The following CADM2 variants were observed in gnomAD, a reference collection of about 807,000 sequenced individuals.
The protein encoded by CADM2 is immunoglobulin superfamily member 4D.
CADM2 carries 12 observed loss-of-function variants against 49.8 expected under a neutral mutation model. The ratio of observed to expected loss-of-function variants is 0.24; its 90% CI spans 0.15 to 0.39. The LOEUF is 0.39. Among genes scored for constraint, CADM2 ranks in the 10% least tolerant of loss-of-function variants. The pLI is 1.00. For synonymous variants in CADM2, 214 were observed against 175.4 expected, an observed-to-expected ratio of 1.22 and a Z score of -1.74; for missense variants, 378 against 492.3, an observed-to-expected ratio of 0.77 and a Z score of 2.20.
intron 1 of CADM2, among the ~76,000 whole-genome samples, chr3:85,228,206 T>G (rs2042204556): frequency 6.6e-6 from 1 of 152,138 alleles, no homozygotes; most frequent in Admixed American, 6.5e-5. Context: ...CTGGATAATA[T>G]TCTGTACAGC....
intron 1 of CADM2, among the ~76,000 whole-genome samples, chr3:85,465,277 C>G (rs1315656870): frequency 6.6e-6 from 1 of 151,976 alleles, no homozygotes; most frequent in Admixed American, 6.6e-5. Context: ...TGGAACACAC[C>G]TTTGCTTAAG....
intron 1 of CADM2, among the ~76,000 whole-genome samples, chr3:85,454,365 A>G (rs2037896649): frequency 1.3e-5 from 2 of 151,992 alleles, no homozygotes. Context: ...TGCAAGCAAT[A>G]TAATTAATCC....
intron 8 of CADM2, among the ~76,000 whole-genome samples, chr3:85,995,394 A>G (rs968489746): frequency 2.0e-5 from 3 of 152,314 alleles, no homozygotes; most frequent in East Asian, 1.9e-4. Context: ...AAGTCACTCA[A>G]TGTAAAACTT....
chr3:85,606,051 T>TAGC (rs2063528868), intron 1 of CADM2, among the ~76,000 whole-genome samples: 1 of 152,040 alleles, frequency 6.6e-6, no homozygotes, highest in African/African-American at 2.4e-5. Flanking sequence ...TTAATAATAA[T>TAGC]AGCAGCAGCA....
At chr3:84,967,790 G>A (rs1383416516) in intron 1 of CADM2, among the ~76,000 whole-genome samples, 2 of 151,990 alleles carry the variant, frequency 1.3e-5, no homozygotes, top group East Asian at 1.9e-4. Context: ...ACACCCCAGC[G>A]TTTTAGCAAG....
intron 1 of CADM2, among the ~76,000 whole-genome samples, chr3:85,619,059 A>G (rs1276456446): frequency 6.6e-6 from 1 of 151,474 alleles, no homozygotes; most frequent in African/African-American, 2.4e-5. Context: ...AAAAAAACCC[A>G]GAAATTAAAA....
chr3:85,327,445 G>A (rs2044783747), intron 1 of CADM2, among the ~76,000 whole-genome samples: 1 of 151,234 alleles, frequency 6.6e-6, no homozygotes, highest in African/African-American at 2.4e-5. Flanking sequence ...TAGTAGAGAT[G>A]GAGTTTTGCT....
chr3:85,086,341 T>G (rs1407654459), intron 1 of CADM2, among the ~76,000 whole-genome samples: 1 of 151,884 alleles, frequency 6.6e-6, no homozygotes, highest in Non-Finnish European at 1.5e-5. Context: ...ACAAATATGC[T>G]CATAGAATGG....
At chr3:85,603,143 C>A (rs1469436574) in intron 1 of CADM2, among the ~76,000 whole-genome samples, 1 of 151,748 alleles carries the variant, frequency 6.6e-6, no homozygotes, top group Non-Finnish European at 1.5e-5. Context: ...ATTCTTAGCA[C>A]CTAGCTCAAT....
intron 1 of CADM2, among the ~76,000 whole-genome samples, chr3:85,586,953 T>C (rs566876466): frequency 1.3e-5 from 2 of 152,202 alleles, no homozygotes; most frequent in African/African-American, 4.8e-5. Flanking sequence ...GGTAGCATGC[T>C]TGCCACATGG....
chr3:85,362,704 A>G (rs1309426573), intron 1 of CADM2, among the ~76,000 whole-genome samples: 2 of 152,208 alleles, frequency 1.3e-5, no homozygotes, highest in Non-Finnish European at 2.9e-5. Flanking sequence ...TTAATCAAAT[A>G]GGTAGATTGG....
intron 8 of CADM2, among the ~76,000 whole-genome samples, chr3:86,050,785 A>C (rs577187411): frequency 6.6e-6 from 1 of 152,248 alleles, no homozygotes; most frequent in East Asian, 1.9e-4. Flanking sequence ...GCTGAGATGC[A>C]AGGAGAAGTG....
intron 1 of CADM2, among the ~76,000 whole-genome samples, chr3:85,364,728 G>A (rs550068292): frequency 1.9e-4 from 29 of 152,282 alleles, no homozygotes; most frequent in African/African-American, 6.7e-4. Context: ...TTAGGTCAAT[G>A]CTGGCTTCAG....
At chr3:85,153,231 C>T (rs2039988723) in intron 1 of CADM2, among the ~76,000 whole-genome samples, 2 of 152,086 alleles carry the variant, frequency 1.3e-5, no homozygotes, top group Admixed American at 1.3e-4. Context: ...GGTGCGCGCA[C>T]CCTGCGCGAG....
Position 85,981,422 on chromosome 3 carries a change from G to T in CADM2, c.970+19775G>T, listed in dbSNP as rs551365165. 3.3e-5 allele frequency among the ~76,000 whole-genome samples: 5 copies of T among 151,502 alleles called. No homozygotes were observed. The Admixed American group carries it at 3.3e-4, about 10-fold the overall frequency. On this transcript the variant is annotated intron_variant, in intron 8 of 9. Coordinates refer to ENST00000383699, the MANE Select transcript of CADM2 (RefSeq NM_001167675.2). Reference sequence around the variant, plus strand: ...TTGTTACATTGGTAAACTAAATGTTGCTGGGATTTGGTGTACAAATTATTT... The same window carrying T: ...TTGTTACATTGGTAAACTAAATGTTTCTGGGATTTGGTGTACAAATTATTT...
At chr3:85,207,646 C>A (rs1220832006) in intron 1 of CADM2, among the ~76,000 whole-genome samples, 1 of 151,924 alleles carries the variant, frequency 6.6e-6, no homozygotes, top group Non-Finnish European at 1.5e-5. Context: ...CTGAAAAGGA[C>A]TAATATGTAT....
chr3:85,704,862 TA>T (rs1257775908), intron 1 of CADM2, among the ~76,000 whole-genome samples: 5 of 149,256 alleles, frequency 3.3e-5, no homozygotes, highest in African/African-American at 1.2e-4. Flanking sequence ...TTATTATTAT[TA>T]TTATTTTTTT....
chr3:85,898,796 C>T (rs958036078), intron 5 of CADM2, among the ~76,000 whole-genome samples: 3 of 150,442 alleles, frequency 2.0e-5, no homozygotes, highest in African/African-American at 7.3e-5. Context: ...TTTTGTATGG[C>T]CATTTGTCTT....
At chr3:85,909,422 T>A (rs199635259) in intron 5 of CADM2, among the ~76,000 whole-genome samples, 2 of 116,274 alleles carry the variant, frequency 1.7e-5, no homozygotes, top group Admixed American at 1.8e-4. Context: ...ATATATATAA[T>A]GTCCAATGGA....
Sources: allele counts gnomAD v4.1 joint callset (sites outside exome capture counted in the v4.1 genomes callset), GRCh38; gene constraint gnomAD v4.1.1; transcripts MANE v1.5; gene names NCBI Gene and HGNC (gene_info 2026-07-23, HGNC 2026-07-21).